ZMYND11: variants seen among roughly 807,000 people sequenced by gnomAD.
ZMYND11 encodes the protein zinc finger MYND-type containing 11, also known as zinc finger MYND domain-containing protein 11.
Under a neutral mutation model 84.9 loss-of-function variants are expected in ZMYND11, and 9 were observed. The ratio of observed to expected loss-of-function variants is 0.11; its 90% CI spans 0.06 to 0.18. The LOEUF is 0.18. Among genes scored for constraint, ZMYND11 ranks in the 10% least tolerant of loss-of-function variants. The probability of loss-of-function intolerance (pLI) is 1.00; values close to 1 mark genes in which losing one functional copy is unlikely to be tolerated. For synonymous variants in ZMYND11, 250 were observed against 244.1 expected (o/e 1.02, Z -0.23); for missense variants, 409 against 761.0 (o/e 0.54, Z 5.44).
chr10:249,713 T>C, intron 14 of ZMYND11: 2 of 985,368 alleles, frequency 2.0e-6, no homozygotes, highest in Non-Finnish European at 2.4e-6. Context: ...CTCAGTGAAT[T>C]AGGGAAAAGT....
upstream of ZMYND11, among the ~76,000 whole-genome samples, chr10:130,370 T>C (rs113530788): frequency 2.1e-3 from 327 of 152,276 alleles, 1 homozygote; most frequent in African/African-American, 7.3e-3. Flanking sequence ...CTTCGCTTTG[T>C]TGTGCTGTGT....
At chr10:144,966 C>A (rs1160369386) in intron 1 of ZMYND11, among the ~76,000 whole-genome samples, 1 of 150,958 alleles carries the variant, frequency 6.6e-6, no homozygotes, top group Non-Finnish European at 1.5e-5. Flanking sequence ...CATGATACTA[C>A]TGTGTATGCC....
chr10:186,117 C>T (rs1938346480), intron 2 of ZMYND11, among the ~76,000 whole-genome samples: 1 of 151,492 alleles, frequency 6.6e-6, no homozygotes, highest in South Asian at 2.1e-4. Context: ...TCACACCATT[C>T]TCCTGCCTCA....
rs981863300 is a variant in ZMYND11, at chr10:189,713, C to T, written c.116+9585C>T. ...TGTCTAGCTGTTTTCATGTATTTCA[C>T]ATTTCTTTGCATGTCTATGAAGAAA... On this transcript the variant is annotated intron_variant, in intron 2 of 14. Transcript: ENST00000381604. Among the ~76,000 whole-genome samples, 7 of 152,146 alleles carry T rather than the reference C, an allele frequency of 4.6e-5. No individual in the cohort carries two copies. In the East Asian group the frequency reaches 1.2e-3, roughly 25 times the overall value.
intron 1 of ZMYND11, among the ~76,000 whole-genome samples, chr10:166,434 G>A: frequency 6.6e-6 from 1 of 151,930 alleles, no homozygotes; most frequent in Admixed American, 6.6e-5. Context: ...ATGGGCAAAG[G>A]ACTTGAATAG....
rs140295432 is a variant in ZMYND11 at position 144,754 on chromosome 10, C to T, written c.-20+9195C>T. Among the ~76,000 whole-genome samples the T allele has an allele frequency of 3.6e-3, 521 of 142,890 alleles. 8 individuals carry two copies. In the East Asian group the frequency reaches 0.037, roughly 10 times the overall value. The allele number at this position is 142,890 out of a possible 152,430, so 93.7% of individuals were successfully genotyped here. On this transcript the variant is annotated intron_variant, in intron 1 of 14. Transcript: ENST00000381604. ...AAAATATATATATAATATATATATG[C>T]ATACACATTTCATTAGCTTTGGGTA...
intron 3 of ZMYND11, among the ~76,000 whole-genome samples, chr10:218,072 A>G (rs1442957307): frequency 1.3e-5 from 2 of 152,230 alleles, no homozygotes; most frequent in Non-Finnish European, 2.9e-5. Context: ...TTTTAAATTA[A>G]TAAGACATAC....
chr10:173,924 G>A (rs1554766335), intron 1 of ZMYND11, among the ~76,000 whole-genome samples: 1 of 152,126 alleles, frequency 6.6e-6, no homozygotes, highest in Non-Finnish European at 1.5e-5. Context: ...ATGAGGATGT[G>A]GAACAATAGA....
At chr10:240,163 AT>A (rs1950630774) in intron 8 of ZMYND11, 52 bp downstream of exon 8, 15 of 1,413,040 alleles carry the variant, frequency 1.1e-5, no homozygotes, top group Non-Finnish European at 1.5e-5. Context: ...AAATTAATTT[AT>A]TTCAGGATTC....
chr10:164,784 T>C (rs1347653224), intron 1 of ZMYND11, among the ~76,000 whole-genome samples: 1 of 152,068 alleles, frequency 6.6e-6, no homozygotes, highest in Non-Finnish European at 1.5e-5. Context: ...TGGAGAGGTA[T>C]ATGTGAAAGA....
intron 1 of ZMYND11, among the ~76,000 whole-genome samples, chr10:161,406 G>C (rs1210462416): frequency 2.6e-5 from 4 of 152,182 alleles, no homozygotes; most frequent in African/African-American, 9.7e-5. Context: ...TAATTCTTAA[G>C]GGCGCTAGGA....
At chr10:194,311 C>T (rs994988469) in intron 2 of ZMYND11, among the ~76,000 whole-genome samples, 9 of 152,180 alleles carry the variant, frequency 5.9e-5, no homozygotes, top group African/African-American at 2.2e-4. Context: ...CCACCTCAGC[C>T]TCCCAAAGTG....
chr10:241,978 T>TACTTTAAAAGTAATATA, intron 9 of ZMYND11, 43 bp from the exon 10 acceptor site: 1 of 1,599,176 alleles, frequency 6.3e-7, no homozygotes, highest in Non-Finnish European at 8.6e-7. Flanking sequence ...TTGCATTTAA[T>TACTTTAAAAGTAATATA]ACTTTAAAAG....
At chr10:229,754 G>C (rs910157704) in intron 4 of ZMYND11, among the ~76,000 whole-genome samples, 2 of 152,148 alleles carry the variant, frequency 1.3e-5, no homozygotes, top group African/African-American at 4.8e-5. Flanking sequence ...GGTTTGAAGG[G>C]AGAAGTGGCA....
At chr10:218,464 A>T (rs1946564387) in intron 3 of ZMYND11, 1 of 390,056 alleles carries the variant, frequency 2.6e-6, no homozygotes, top group African/African-American at 2.2e-5. Flanking sequence ...GGCCTATAGT[A>T]TGCAGCCTTT....
chr10:233,312 C>A (rs1194931414), intron 4 of ZMYND11, among the ~76,000 whole-genome samples: 1 of 152,212 alleles, frequency 6.6e-6, no homozygotes, highest in Admixed American at 6.5e-5. Flanking sequence ...CAAGTCCCAT[C>A]AAGCTACGGG....
intron 12 of ZMYND11, among the ~76,000 whole-genome samples, chr10:247,891 T>A (rs1952494789): frequency 6.6e-6 from 1 of 152,250 alleles, no homozygotes; most frequent in African/African-American, 2.4e-5. Flanking sequence ...GCCCTGCATG[T>A]TTTAAAACTG....
At chr10:152,262 C>T (rs1236829694) in intron 1 of ZMYND11, among the ~76,000 whole-genome samples, 2 of 152,162 alleles carry the variant, frequency 1.3e-5, no homozygotes, top group Non-Finnish European at 2.9e-5. Context: ...TTAAAAGACA[C>T]AGACTGGCAA....
At chr10:169,878 T>C (rs185797530) in intron 1 of ZMYND11, among the ~76,000 whole-genome samples, 8 of 152,164 alleles carry the variant, frequency 5.3e-5, no homozygotes, top group Non-Finnish European at 8.8e-5. Flanking sequence ...ACAGAAGCAA[T>C]ATTTGAGTCA....
Sources: allele counts gnomAD v4.1 joint callset (sites outside exome capture counted in the v4.1 genomes callset), GRCh38; gene constraint gnomAD v4.1.1; transcripts MANE v1.5; gene names NCBI Gene and HGNC (gene_info 2026-07-23, HGNC 2026-07-21).